The following IPO7 variants were observed in gnomAD, a reference collection of about 807,000 sequenced individuals.
IPO7 encodes importin 7, also known as importin-7.
Under a neutral mutation model 136.4 loss-of-function variants are expected in IPO7, and 13 were observed. That is an observed-to-expected ratio of 0.10 (90% CI 0.06 to 0.15). IPO7 has a LOEUF of 0.15. IPO7 is among the 10% of genes least tolerant of loss of function. The probability of loss-of-function intolerance (pLI) is 1.00; values close to 1 mark genes in which losing one functional copy is unlikely to be tolerated. For synonymous variants in IPO7, 403 were observed against 404.4 expected, an observed-to-expected ratio of 1.00 and a Z score of 0.04; for missense variants, 857 against 1,240.6, an observed-to-expected ratio of 0.69 and a Z score of 4.65.
Position 9,447,596 on chromosome 11 carries a change from CT to C in IPO7, c.*2409del, listed in dbSNP as rs1194438813. 1 of 151,950 alleles carries C rather than the reference CT, an allele frequency of 6.6e-6. No homozygotes were observed. Among genetic ancestry groups the C allele is most frequent in the Non-Finnish European group, 1.5e-5 (1 of 67,960 alleles). 9.4% of individuals were successfully genotyped at this position (151,950 alleles called of 1,614,324 possible). On this transcript the variant is annotated 3_prime_UTR_variant, in exon 25 of 25. Transcript: ENST00000379719. ...TGTAATTAGCTACATAGGGACTTGT[CT>C]TTTTTTCTTTTTACATACAGCTTTT...
chr11:9,444,043 G>A (rs1249918571), intron 24 of IPO7, among the ~76,000 whole-genome samples: 1 of 152,192 alleles, frequency 6.6e-6, no homozygotes, highest in Non-Finnish European at 1.5e-5. Flanking sequence ...GGGAGGCTGA[G>A]GCTGGCGGAT....
At chr11:9,432,479 G>T (rs566947695) in intron 16 of IPO7, among the ~76,000 whole-genome samples, 1 of 152,172 alleles carries the variant, frequency 6.6e-6, no homozygotes, top group African/African-American at 2.4e-5. Context: ...GAAATTACAG[G>T]CGTGAGCCAC....
At chr11:9,430,701 A>G (rs1162202035) in intron 15 of IPO7, 174 bp from the exon 16 acceptor site, 5 of 588,032 alleles carry the variant, frequency 8.5e-6, no homozygotes, top group Non-Finnish European at 1.5e-5. Flanking sequence ...AAGGTCACCC[A>G]ATGAGCAGAC....
intron 1 of IPO7, among the ~76,000 whole-genome samples, chr11:9,389,990 C>T (rs1303166927): frequency 1.3e-5 from 2 of 152,158 alleles, no homozygotes; most frequent in Non-Finnish European, 2.9e-5. Context: ...CTCCTCACTG[C>T]AGGTGATTGC....
chr11:9,434,009 T>C (rs1855336524), intron 18 of IPO7, among the ~76,000 whole-genome samples, 163 bp downstream of exon 18: 1 of 151,810 alleles, frequency 6.6e-6, no homozygotes, highest in Non-Finnish European at 1.5e-5. Flanking sequence ...TCGCAACCTA[T>C]GCCTCCTGGG....
chr11:9,388,735 A>C (rs902128712), intron 1 of IPO7, among the ~76,000 whole-genome samples: 1 of 152,034 alleles, frequency 6.6e-6, no homozygotes, highest in African/African-American at 2.4e-5. Context: ...TATGTTACCC[A>C]GGCTGGAGTG....
intron 19 of IPO7, among the ~76,000 whole-genome samples, chr11:9,435,739 A>G (rs1855360489): frequency 6.6e-6 from 1 of 152,134 alleles, no homozygotes; most frequent in Admixed American, 6.6e-5. Flanking sequence ...AGTTTTCACT[A>G]GCCTTCAAGT....
intron 4 of IPO7, among the ~76,000 whole-genome samples, chr11:9,412,480 A>G (rs1854980481): frequency 6.6e-6 from 1 of 152,206 alleles, no homozygotes; most frequent in Non-Finnish European, 1.5e-5. Flanking sequence ...TATAATCAGT[A>G]ATCTGTATTT....
intron 23 of IPO7, 50 bp downstream of exon 23, chr11:9,440,711 T>A: frequency 7.3e-7 from 1 of 1,374,814 alleles, no homozygotes; most frequent in Non-Finnish European, 1.0e-6. Context: ...AAATCTGTTG[T>A]AGTTTCTGCC....
chr11:9,425,418 G>C (rs1237310145), intron 12 of IPO7, 156 bp downstream of exon 12: 5 of 606,884 alleles, frequency 8.2e-6, no homozygotes, highest in Non-Finnish European at 1.5e-5. Flanking sequence ...AACAGCCTGG[G>C]CAACATAGTG....
intron 1 of IPO7, among the ~76,000 whole-genome samples, chr11:9,398,406 C>T (rs904136132): frequency 2.6e-5 from 4 of 152,178 alleles, no homozygotes; most frequent in Admixed American, 2.0e-4. Context: ...GGGAGCCCTA[C>T]TTTAGCTTGA....
rs149600432 is a variant in IPO7, at chr11:9,445,766, A to T, written c.*572A>T. On this transcript the variant is annotated 3_prime_UTR_variant, in exon 25 of 25. Coordinates refer to ENST00000379719, the MANE Select transcript of IPO7 (RefSeq NM_006391.3). ...TATTGGACATTTATTGTAGCACTAC[A>T]TAACTGATTATAAAAATCTGTAAAT... is the stretch of plus-strand genomic sequence containing the variant. 1 of 152,116 alleles carries T rather than the reference A, an allele frequency of 6.6e-6. No homozygotes were observed. The highest frequency in any genetic ancestry group is 6.6e-5 in the Admixed American group (1 of 15,254). The allele number at this position is 152,116 out of a possible 1,614,324, so 9.4% of individuals were successfully genotyped here.
At chr11:9,414,543 CA>C (rs932364352) in intron 5 of IPO7, 132 bp downstream of exon 5, 24 of 471,648 alleles carry the variant, frequency 5.1e-5, no homozygotes, top group Non-Finnish European at 7.6e-5. Context: ...GATTTTCTAG[CA>C]AAATAGAAAT....
rs750840098 is a variant in IPO7, at chr11:9,430,923, A to G, written c.1801A>G (p.Ser601Gly). Residue 601 changes from serine to glycine, a missense_variant, in exon 16 of 25, where the codon AGT becomes GGT. Transcript: ENST00000379719. ...VIQTGPDEEG[S>G]DDKAVTAMGI... ...CCAGACGGGGCCAGATGAAGAAGGT[A>G]GTGATGACAAAGCAGTTACTGCTAT... 3.7e-6 allele frequency: 6 copies of G among 1,610,728 alleles called. No homozygotes were observed. The highest frequency in any genetic ancestry group is 5.1e-6 in the Non-Finnish European group (6 of 1,177,410).
intron 1 of IPO7, among the ~76,000 whole-genome samples, chr11:9,391,656 A>G (rs1315177314): frequency 6.6e-6 from 1 of 152,204 alleles, no homozygotes; most frequent in East Asian, 1.9e-4. Flanking sequence ...GTGAGCAGAG[A>G]TCACACCACT....
intron 6 of IPO7, 166 bp from the exon 7 acceptor site, chr11:9,420,242 GGGA>G (rs1244965124): frequency 1.9e-6 from 1 of 519,426 alleles, no homozygotes; most frequent in Non-Finnish European, 3.4e-6. Flanking sequence ...GTGTGAACTC[GGGA>G]GGCGGAGCTT....
At chr11:9,428,286 A>C (rs1855241410) in intron 12 of IPO7, among the ~76,000 whole-genome samples, 2 of 152,240 alleles carry the variant, frequency 1.3e-5, no homozygotes, top group Non-Finnish European at 2.9e-5. Context: ...AACTTACATC[A>C]TTCGAACACT....
chr11:9,420,172 C>G (rs1483561703), intron 6 of IPO7: 1 of 424,388 alleles, frequency 2.4e-6, no homozygotes, highest in Non-Finnish European at 4.2e-6. Context: ...ATAAAATTAG[C>G]TGGGCGTTGT....
chr11:9,437,663 G>T (rs927085957), intron 20 of IPO7, 91 bp from the exon 21 acceptor site: 9 of 893,584 alleles, frequency 1.0e-5, no homozygotes, highest in Admixed American at 4.6e-5. Context: ...CTACAATAGG[G>T]TTAATTGAGG....
Sources: allele counts gnomAD v4.1 joint callset (sites outside exome capture counted in the v4.1 genomes callset), GRCh38; gene constraint gnomAD v4.1.1; transcripts MANE v1.5; gene names NCBI Gene and HGNC (gene_info 2026-07-23, HGNC 2026-07-21).